AGBL1: variants seen among roughly 807,000 people sequenced by gnomAD.
AGBL1 encodes cytosolic carboxypeptidase 4.
In AGBL1, 130 loss-of-function variants were observed where a neutral mutation model predicts 118.9. The ratio of observed to expected loss-of-function variants is 1.09; its 90% CI spans 0.95 to 1.26. AGBL1 has a LOEUF of 1.26. Ranked by LOEUF, AGBL1 falls within the 50% of genes most tolerant of loss-of-function variation. AGBL1 has a pLI of 0.00. For missense variants in AGBL1, 1,584 were observed against 1,298.1 expected (o/e 1.22, Z -3.38); for synonymous variants, 555 against 478.9 (o/e 1.16, Z -2.08).
intron 3 of AGBL1, among the ~76,000 whole-genome samples, chr15:86,145,565 G>A (rs2077022352): frequency 6.6e-6 from 1 of 152,180 alleles, no homozygotes; most frequent in South Asian, 2.1e-4. Flanking sequence ...AAATGCCCAG[G>A]GGGTCTGGAG....
chr15:86,881,112 A>G (rs1384439680), intron 22 of AGBL1, among the ~76,000 whole-genome samples: 1 of 152,172 alleles, frequency 6.6e-6, no homozygotes, highest in African/African-American at 2.4e-5. Context: ...CTTCCTCACC[A>G]GACATGCTAA....
At chr15:86,458,890 A>G (rs1405403316) in intron 18 of AGBL1, among the ~76,000 whole-genome samples, 1 of 152,192 alleles carries the variant, frequency 6.6e-6, no homozygotes, top group Non-Finnish European at 1.5e-5. Context: ...GCAAATAGAC[A>G]TATTAAGGTC....
At chr15:86,141,574 C>A (rs929610842) in intron 1 of AGBL1, among the ~76,000 whole-genome samples, 2 of 152,170 alleles carry the variant, frequency 1.3e-5, no homozygotes, top group African/African-American at 4.8e-5. Flanking sequence ...CTGCTTGAAC[C>A]CGGGAGGTGG....
rs2079208353 is a variant in AGBL1, at chr15:86,839,014, G to A, written c.3159-68073G>A. ...AGACTAGAATGATTTAATCTCCTTG[G>A]TCAGCACGTTCTCTTCTTCCAGGAG... On this transcript the variant is annotated intron_variant, in intron 22 of 22. Transcript: ENST00000614907. Among the ~76,000 whole-genome samples, 7 of 148,062 alleles carry A rather than the reference G, an allele frequency of 4.7e-5. No homozygotes were observed. In the Admixed American group the frequency reaches 4.8e-4, roughly 10 times the overall value.
At chr15:86,837,402 C>T (rs1321087961) in intron 22 of AGBL1, among the ~76,000 whole-genome samples, 1 of 152,152 alleles carries the variant, frequency 6.6e-6, no homozygotes, top group Admixed American at 6.5e-5. Flanking sequence ...CAAATTACAG[C>T]CTCCAGGCCA....
chr15:86,877,121 A>G (rs1037576019), intron 22 of AGBL1, among the ~76,000 whole-genome samples: 3 of 151,996 alleles, frequency 2.0e-5, no homozygotes, highest in African/African-American at 7.3e-5. Context: ...TCAAATTCCA[A>G]CCTTTCTCTG....
At chr15:86,108,595 T>C (rs141773273) in intron 1 of AGBL1, among the ~76,000 whole-genome samples, 2 of 152,324 alleles carry the variant, frequency 1.3e-5, no homozygotes, top group East Asian at 1.9e-4. Context: ...GTTTCTCTTC[T>C]TGTAAAATGC....
At chr15:86,558,012 A>T (rs576652611) in intron 21 of AGBL1, among the ~76,000 whole-genome samples, 1 of 152,250 alleles carries the variant, frequency 6.6e-6, no homozygotes, top group African/African-American at 2.4e-5. Flanking sequence ...AAGACACAAG[A>T]ATGCAGGGCT....
At chr15:86,824,765 A>G (rs1239984621) in intron 22 of AGBL1, among the ~76,000 whole-genome samples, 4 of 152,116 alleles carry the variant, frequency 2.6e-5, no homozygotes, top group Non-Finnish European at 5.9e-5. Context: ...AGAAAAGAGA[A>G]TTCAGAACTA....
In AGBL1 at chr15:86,215,217, A is replaced by ATGTGTG. The variant is rs1360213607; in HGVS notation, c.489-9694_489-9693insGTGTGT. 3.2e-3 allele frequency among the ~76,000 whole-genome samples: 413 copies of ATGTGTG among 128,274 alleles called. 2 individuals carry two copies. Among genetic ancestry groups the ATGTGTG allele is most frequent in the East Asian group, 0.014 (63 of 4,490 alleles). 84.2% of individuals were successfully genotyped at this position (128,274 alleles called of 152,430 possible). On this transcript the variant is annotated intron_variant, in intron 5 of 22. Transcript: ENST00000614907. ...GCTCTGTGTGTGTGTGTGAGTGTAT[A>ATGTGTG]TGTATGCGTGTGTGTGTGTGTGTGT... is the stretch of plus-strand genomic sequence containing the variant.
chr15:86,609,298 A>T (rs1466709816), intron 21 of AGBL1, among the ~76,000 whole-genome samples: 1 of 152,210 alleles, frequency 6.6e-6, no homozygotes, highest in Non-Finnish European at 1.5e-5. Flanking sequence ...AGGAGGAGGA[A>T]TTCAGACCAG....
chr15:86,360,165 A>G (rs2080781303), intron 17 of AGBL1, among the ~76,000 whole-genome samples: 1 of 151,890 alleles, frequency 6.6e-6, no homozygotes. Flanking sequence ...TTATCATGTG[A>G]TCTGTGGGCA....
intron 17 of AGBL1, among the ~76,000 whole-genome samples, chr15:86,391,032 A>C (rs1489167569): frequency 6.6e-6 from 1 of 151,084 alleles, no homozygotes; most frequent in African/African-American, 2.4e-5. Flanking sequence ...AAAAAAAAAA[A>C]GGCAAATCGG....
intron 22 of AGBL1, among the ~76,000 whole-genome samples, chr15:86,845,361 C>A (rs1308115634): frequency 6.6e-6 from 1 of 152,084 alleles, no homozygotes; most frequent in Non-Finnish European, 1.5e-5. Context: ...TTATACTATG[C>A]ACTGTACACA....
chr15:86,942,006 C>G (rs969346231), intron 23 of AGBL1, among the ~76,000 whole-genome samples: 1 of 152,182 alleles, frequency 6.6e-6, no homozygotes, highest in African/African-American at 2.4e-5. Flanking sequence ...ATGAATAGCA[C>G]AGGCATCCAA....
Position 86,142,008 on chromosome 15 carries a change from C to A in AGBL1, c.56C>A (p.Ser19Tyr), listed in dbSNP as rs2076969732. The stretch of plus-strand genomic sequence containing the variant: ...CTGCCTGTGTTCTCATTGCAGAGCT[C>A]CTCTGACAAGGAGTCCATCCTGACC... ...LQVLLHTLQS[S>Y]SDKESILTIL... The change falls in exon 2 of 23, where the codon TCC becomes TAC. Residue 19 changes from serine to tyrosine, a missense_variant. Coordinates refer to ENST00000614907, the MANE Select transcript of AGBL1 (RefSeq NM_001386094.1). 6.5e-7 allele frequency: 1 copy of A among 1,549,946 alleles called. No homozygotes were observed. The highest frequency in any genetic ancestry group is 8.7e-7 in the Non-Finnish European group (1 of 1,146,688).
intron 22 of AGBL1, among the ~76,000 whole-genome samples, chr15:86,822,600 G>T (rs2078956453): frequency 6.6e-6 from 1 of 152,146 alleles, no homozygotes; most frequent in Admixed American, 6.6e-5. Context: ...GTGGTGTTCT[G>T]TGGTTAGCAG....
At chr15:86,674,538 A>C in intron 22 of AGBL1, 102 bp downstream of exon 22, 1 of 1,196,516 alleles carries the variant, frequency 8.4e-7, no homozygotes, top group Non-Finnish European at 1.1e-6. Context: ...CTTTACACAG[A>C]GAAAATATGG....
intron 23 of AGBL1, among the ~76,000 whole-genome samples, chr15:86,978,298 G>A (rs891478744): frequency 1.3e-5 from 2 of 152,158 alleles, no homozygotes; most frequent in Non-Finnish European, 2.9e-5. Flanking sequence ...TAGGGGAATA[G>A]GGTCAATGGA....
Sources: gnomAD v4.1 joint callset for allele counts (sites outside exome capture counted in the v4.1 genomes callset) on GRCh38, gnomAD v4.1.1 for gene constraint, MANE v1.5 for transcripts, NCBI Gene and HGNC (gene_info 2026-07-23, HGNC 2026-07-21) for gene names.